Variants in NRG1 observed in about 807,000 individuals in gnomAD.
NRG1 encodes the protein neuregulin 1.
Under a neutral mutation model 63.8 loss-of-function variants are expected in NRG1, and 18 were observed. The ratio of observed to expected loss-of-function variants is 0.28; its 90% confidence interval spans 0.19 to 0.42. NRG1 has a LOEUF of 0.42. Ranked by LOEUF, NRG1 falls within the 10% of genes least tolerant of loss-of-function variation. NRG1 has a pLI of 1.00. For missense variants in NRG1, 762 were observed against 814.7 expected, an observed-to-expected ratio of 0.94 and a Z score of 0.79; for synonymous variants, 302 against 301.3, an observed-to-expected ratio of 1.00 and a Z score of -0.02.
intron 1 of NRG1, among the ~76,000 whole-genome samples, chr8:31,858,885 C>G (rs968928055): frequency 2.0e-5 from 3 of 152,118 alleles, no homozygotes; most frequent in African/African-American, 7.2e-5. Flanking sequence ...CCTGATCTCT[C>G]GCGAACTGAC....
At chr8:31,960,021 G>C (rs1045934554) in intron 1 of NRG1, among the ~76,000 whole-genome samples, 1 of 152,012 alleles carries the variant, frequency 6.6e-6, no homozygotes, top group Admixed American at 6.6e-5. Context: ...AAGTGGAAAG[G>C]GAGAATGACT....
At chr8:32,203,083 C>T (rs1843656539) in intron 1 of NRG1, among the ~76,000 whole-genome samples, 1 of 151,284 alleles carries the variant, frequency 6.6e-6, no homozygotes, top group African/African-American at 2.4e-5. Flanking sequence ...TTATCAAATA[C>T]TGGAATTTGG....
chr8:31,815,615 A>G (rs937982161), intron 1 of NRG1, among the ~76,000 whole-genome samples: 1 of 152,200 alleles, frequency 6.6e-6, no homozygotes, highest in African/African-American at 2.4e-5. Flanking sequence ...ACCCCGAAGT[A>G]GATTGCTGCA....
chr8:31,737,266 A>G (rs1453031712), intron 1 of NRG1, among the ~76,000 whole-genome samples: 2 of 152,060 alleles, frequency 1.3e-5, no homozygotes, highest in African/African-American at 4.8e-5. Context: ...CACTTCTCCT[A>G]GGATTTTTCC....
chr8:31,908,830 C>A, intron 1 of NRG1, among the ~76,000 whole-genome samples: 1 of 152,092 alleles, frequency 6.6e-6, no homozygotes, highest in Admixed American at 6.5e-5. Context: ...GAAAAAAAGC[C>A]AGATAAATTT....
chr8:31,926,175 T>A (rs1834343647), intron 1 of NRG1, among the ~76,000 whole-genome samples: 1 of 152,192 alleles, frequency 6.6e-6, no homozygotes, highest in African/African-American at 2.4e-5. Context: ...TGACAGCTTG[T>A]TATTTTCAGT....
intron 1 of NRG1, among the ~76,000 whole-genome samples, chr8:31,920,613 C>T (rs536735865): frequency 6.6e-6 from 1 of 152,162 alleles, no homozygotes; most frequent in South Asian, 2.1e-4. Context: ...GGCTATAATC[C>T]CAGACTCTGG....
At chr8:32,016,763 T>C (rs559404084) in intron 1 of NRG1, among the ~76,000 whole-genome samples, 46 of 152,234 alleles carry the variant, frequency 3.0e-4, no homozygotes, top group African/African-American at 9.9e-4. Flanking sequence ...CCCGATTCTA[T>C]GAATAGAAAA....
intron 1 of NRG1, among the ~76,000 whole-genome samples, chr8:32,067,240 T>C (rs1452605304): frequency 6.6e-6 from 1 of 152,126 alleles, no homozygotes; most frequent in East Asian, 1.9e-4. Context: ...ATAGGAGTGG[T>C]GAGAGAGGGC....
At chr8:32,298,719 AAAAAAAAAAAAG>A (rs1586692855) in intron 1 of NRG1, among the ~76,000 whole-genome samples, 1 of 136,076 alleles carries the variant, frequency 7.3e-6, no homozygotes, top group Middle Eastern at 3.6e-3. Flanking sequence ...AGTCTCAAAA[AAAAAAAAAAAAG>A]AAAAGAAAAG....
chr8:32,235,107 A>T (rs1333947779), intron 1 of NRG1, among the ~76,000 whole-genome samples: 1 of 151,848 alleles, frequency 6.6e-6, no homozygotes, highest in Non-Finnish European at 1.5e-5. Flanking sequence ...CTGCTGATTG[A>T]CTGTTTGAAA....
At chr8:32,548,098 C>T (rs1271322825), upstream of NRG1, 5 of 572,744 alleles carry the variant, frequency 8.7e-6, no homozygotes, top group East Asian at 7.3e-4. Flanking sequence ...CACCCCCCGC[C>T]CGGCCAGCGC....
At chr8:31,959,826 T>C (rs1280998397) in intron 1 of NRG1, among the ~76,000 whole-genome samples, 2 of 142,706 alleles carry the variant, frequency 1.4e-5, no homozygotes, top group Non-Finnish European at 3.1e-5. Context: ...TATTTATTTA[T>C]TTATTTATTT....
intron 1 of NRG1, among the ~76,000 whole-genome samples, chr8:31,705,882 T>G (rs766239951): frequency 1.3e-5 from 2 of 152,050 alleles, no homozygotes; most frequent in East Asian, 3.8e-4. Flanking sequence ...AACAATTTTA[T>G]GGTACTTTTA....
chr8:32,649,525 G>T (rs543306089), intron 5 of NRG1, among the ~76,000 whole-genome samples: 48 of 152,166 alleles, frequency 3.2e-4, no homozygotes, highest in Non-Finnish European at 6.2e-4. Flanking sequence ...AAAGAGAGTT[G>T]ACAATTTCTC....
intron 1 of NRG1, among the ~76,000 whole-genome samples, chr8:32,155,866 A>G (rs750870563): frequency 6.6e-6 from 1 of 152,174 alleles, no homozygotes; most frequent in Non-Finnish European, 1.5e-5. Flanking sequence ...CCAAGTTATT[A>G]TTGATTTTGT....
intron 1 of NRG1, among the ~76,000 whole-genome samples, chr8:31,644,923 A>G (rs1191915627): frequency 6.6e-6 from 1 of 152,178 alleles, no homozygotes; most frequent in Non-Finnish European, 1.5e-5. Flanking sequence ...TTAGCTTTGT[A>G]TAGATAAATG....
At chr8:32,375,212 A>G (rs1458798863) in intron 1 of NRG1, among the ~76,000 whole-genome samples, 1 of 152,030 alleles carries the variant, frequency 6.6e-6, no homozygotes, top group Non-Finnish European at 1.5e-5. Flanking sequence ...TCCTGAGATC[A>G]AGCAATCCCC....
chr8:31,676,352 C>G (rs889591669), intron 1 of NRG1, among the ~76,000 whole-genome samples: 1 of 152,178 alleles, frequency 6.6e-6, no homozygotes, highest in African/African-American at 2.4e-5. Flanking sequence ...AGCTTGACCC[C>G]AATTTATGGA....
Sources: allele counts gnomAD v4.1 joint callset (sites outside exome capture counted in the v4.1 genomes callset), GRCh38; gene constraint gnomAD v4.1.1; transcripts MANE v1.5; gene names NCBI Gene and HGNC (gene_info 2026-07-23, HGNC 2026-07-21).